NEB: variants seen among roughly 807,000 people sequenced by gnomAD.
The protein encoded by NEB is nemaline myopathy type 2.
A neutral mutation model predicts 952.2 loss-of-function variants in NEB; 512 were observed. That is an observed-to-expected ratio of 0.54 (90% CI 0.50 to 0.58). The LOEUF (loss-of-function observed/expected upper bound fraction) is 0.58, where lower values mean the gene tolerates loss of function less well. NEB is among the 20% of genes least tolerant of loss of function. NEB has a pLI of 0.00. For missense variants in NEB, 8,428 were observed against 9,231.1 expected, an observed-to-expected ratio of 0.91 and a Z score of 3.56; for synonymous variants, 2,900 against 3,149.8, an observed-to-expected ratio of 0.92 and a Z score of 2.66.
chr2:151,704,722 G>C (rs562919926), intron 13 of NEB, among the ~76,000 whole-genome samples: 14 of 152,248 alleles, frequency 9.2e-5, no homozygotes, highest in Admixed American at 3.3e-4. Context: ...TTCGGCTCAC[G>C]CACAGTGCGA....
chr2:151,632,518 A>T (rs1434077218), intron 65 of NEB, among the ~76,000 whole-genome samples: 1 of 152,006 alleles, frequency 6.6e-6, no homozygotes, highest in Non-Finnish European at 1.5e-5. Context: ...TCCACTAAAA[A>T]TACAAAAAAT....
At position 151,549,718 on chromosome 2, in the gene NEB, C is replaced by T. The variant is rs767200761; in HGVS notation, c.19967G>A (p.Arg6656His). 25 of 1,590,358 alleles carry T rather than the reference C, an allele frequency of 1.6e-5. No homozygotes were observed. Among genetic ancestry groups the T allele is most frequent in the South Asian group, 5.7e-5 (5 of 87,172 alleles). Residue 6656 changes from arginine (R) to histidine (H), a missense_variant, in exon 130 of 182, where the codon CGC becomes CAC. This residue lies in a region of NEB where 3,374 missense variants were observed against 3,651.5 expected (regional missense o/e 0.92). Transcript: ENST00000397345. The stretch of plus-strand genomic sequence containing the variant: ...AAGTCTATATCCAGTGGGCAGGGTG[C>T]GCAGGCTGGTTTTGTATAGATTCTG... ...QSSNLYKTSL[R>H]TLPTGYRLPG...
intron 159 of NEB, 85 bp from the exon 160 acceptor site, chr2:151,513,778 A>AAC: frequency 1.1e-6 from 1 of 904,590 alleles, no homozygotes; most frequent in South Asian, 1.5e-5. Flanking sequence ...AAATCCACAT[A>AAC]ACACGCCACC....
intron 35 of NEB, 46 bp from the exon 36 acceptor site, chr2:151,674,630 T>C (rs1312021805): frequency 7.3e-7 from 1 of 1,365,488 alleles, no homozygotes; most frequent in Non-Finnish European, 1.0e-6. Context: ...AAGTGATTCC[T>C]CAACTGCTGG....
rs1489266866 is a variant in NEB, at chr2:151,494,090, G to A, written c.24579+71C>T. On this transcript the variant is annotated intron_variant, in intron 174 of 181. Coordinates refer to ENST00000397345, the MANE Select transcript of NEB (RefSeq NM_001164508.2). ...TTTGTTTGTTTTTAACCTGGGACAG[G>A]GTTAGGAGCAGGCCAAACTGCAAGA... The A allele has an allele frequency of 2.2e-5, 29 of 1,290,780 alleles. No individual in the cohort carries two copies. The South Asian group carries it at 3.7e-4, about 16-fold the overall frequency. The allele number at this position is 1,290,780 out of a possible 1,614,324, so 80.0% of individuals were successfully genotyped here. A position where few individuals can be genotyped will look rare whatever the true frequency, so the allele number is the denominator to read the frequency against.
Position 151,547,866 on chromosome 2 carries a change from G to C in NEB, c.20158-128C>G, listed in dbSNP as rs140890564. On this transcript the variant is annotated intron_variant, in intron 131 of 181. Coordinates refer to ENST00000397345, the MANE Select transcript of NEB (RefSeq NM_001164508.2). The stretch of plus-strand genomic sequence containing the variant: ...AATATCGAGGATATAGAAAATGATT[G>C]AGATTAGGAAAAAAGGAGAAAATGA... 307 of 671,880 alleles carry C rather than the reference G, an allele frequency of 4.6e-4. No individual in the cohort carries two copies. In the African/African-American group the frequency reaches 4.6e-3, roughly 10 times the overall value. The allele number at this position is 671,880 out of a possible 1,614,324, so 41.6% of individuals were successfully genotyped here. A position where few individuals can be genotyped will look rare whatever the true frequency, so the allele number is the denominator to read the frequency against.
chr2:151,724,264 C>A lies in NEB; in HGVS notation c.608G>T (p.Ser203Ile). 6.2e-7 allele frequency: 1 copy of A among 1,611,878 alleles called. No homozygotes were observed. The highest frequency in any genetic ancestry group is 8.5e-7 in the Non-Finnish European group (1 of 1,178,766). Reference protein sequence around the residue: ...VQAVKNTAMFSKKLYTEDWEA... With the variant: ...VQAVKNTAMFIKKLYTEDWEA... ...GGCAATGGAGCAGACCCTTACCTTG[C>A]TGAACATGGCGGTGTTCTTAACGGC... Residue 203 changes from serine to isoleucine, a missense_variant, in exon 8 of 182, where the codon AGC (serine) becomes ATC (isoleucine). By Grantham distance (142) the Ser-to-Ile change is moderately radical. This residue lies in a region of NEB where 2,851 missense variants were observed against 2,791.5 expected (regional missense o/e 1.02). Transcript: ENST00000397345.
chr2:151,488,920 T>C (rs1188416692), intron 181 of NEB, among the ~76,000 whole-genome samples: 1 of 152,212 alleles, frequency 6.6e-6, no homozygotes, highest in African/African-American at 2.4e-5. Flanking sequence ...ATTGCCATGC[T>C]AAATCCATAT....
Position 151,724,942 on chromosome 2 carries a change from C to A in NEB, c.422G>T (p.Gly141Val), listed in dbSNP as rs973669056. 2.5e-6 allele frequency: 4 copies of A among 1,613,574 alleles called. No individual in the cohort carries two copies. Among genetic ancestry groups the A allele is most frequent in the Admixed American group, 1.7e-5 (1 of 59,944 alleles). The change falls in exon 7 of 182, where the codon GGT becomes GTT. Residue 141 changes from glycine (G) to valine (V), a missense_variant. Gly to Val is a moderately radical substitution (Grantham distance 109, BLOSUM62 -3). Around this residue, in one of 11 missense-constraint regions of NEB, gnomAD observed 2,851 missense variants for 2,791.5 expected, o/e 1.02. Coordinates refer to ENST00000397345, the MANE Select transcript of NEB (RefSeq NM_001164508.2). ...QLSEVKYRMDGDVAKTICHVD... is the reference protein window; with the variant it reads ...QLSEVKYRMDVDVAKTICHVD... ...GTGACATATAGTCTTAGCAACATCA[C>A]CATCCATTCGATACTTAACCTGCCC...
In NEB at chr2:151,682,788, G is replaced by C. The variant is rs1172897728; in HGVS notation, c.2836-19C>G. On this transcript the variant is annotated intron_variant, in intron 28 of 181. Coordinates refer to ENST00000397345, the MANE Select transcript of NEB (RefSeq NM_001164508.2). ...ATTCAACCTAAAACACCAAGAGAAA[G>C]GTTACATTTCTTTGCTGTGTCATCC... The C allele has an allele frequency of 1.9e-6, 3 of 1,583,988 alleles. No homozygotes were observed. In the South Asian group the frequency reaches 3.4e-5, roughly 18 times the overall value.
At chr2:151,660,249 G>A (rs187074927) in intron 46 of NEB, among the ~76,000 whole-genome samples, 28 of 152,168 alleles carry the variant, frequency 1.8e-4, no homozygotes, top group East Asian at 1.7e-3. Context: ...CTTCTCCTCC[G>A]GCCTAGTCCT....
At chr2:151,644,387 G>T in intron 56 of NEB, 81 bp downstream of exon 56, 2 of 1,341,256 alleles carry the variant, frequency 1.5e-6, no homozygotes, top group Non-Finnish European at 2.1e-6. Context: ...CTTAGATTTT[G>T]TTCAATTTAA....
At position 151,552,723 on chromosome 2, in the gene NEB, T is replaced by C; in HGVS notation, c.19785A>G (p.Thr6595=). Residue 6595 remains threonine (T), a synonymous_variant, in exon 128 of 182, where the codon ACA becomes ACG. Coordinates refer to ENST00000397345, the MANE Select transcript of NEB (RefSeq NM_001164508.2). ...LKTRNDYKLV[T]DTPVYVQAVK... is the part of the protein sequence containing the mutation. ...CAGCCTGCACGTAGACTGGTGTATC[T>C]GTGACAAGCTTGTAGTCATTCCTTG... 1 of 1,613,414 alleles carries C rather than the reference T, an allele frequency of 6.2e-7. No individual in the cohort carries two copies. The highest frequency in any genetic ancestry group is 1.1e-5 in the South Asian group (1 of 91,016).
Position 151,570,140 on chromosome 2 carries a change from A to T in NEB, c.17371T>A (p.Cys5791Ser). 1.2e-6 allele frequency: 2 copies of T among 1,613,224 alleles called. No individual in the cohort carries two copies. Among genetic ancestry groups the T allele is most frequent in the South Asian group, 2.2e-5 (2 of 90,820 alleles). Residue 5791 changes from cysteine (C) to serine (S), a missense_variant, in exon 109 of 182, where the codon TGC (cysteine) becomes AGC (serine). By Grantham distance (112) the Cys-to-Ser change is moderately radical (BLOSUM62 -1). Coordinates refer to ENST00000397345, the MANE Select transcript of NEB (RefSeq NM_001164508.2). ...ATCACATCGTTCTGGTCGGGCATGC[A>T]GGTCCACTGGTGCAGGTAATTGCGG... ...DYRNYLHQWT[C>S]MPDQNDVIQA...
chr2:151,526,881 G>A (rs751381939), intron 148 of NEB, 37 bp downstream of exon 148: 7 of 1,392,374 alleles, frequency 5.0e-6, no homozygotes, highest in Middle Eastern at 1.8e-4. Flanking sequence ...ATGGCCCTGA[G>A]TGAGGTTAGG....
rs1381167512 is a variant in NEB, at chr2:151,705,171, T to TTA, written c.1152+1708_1152+1709dup. ...TTATACAAACAATTAGCCTTCAAAA[T>TTA]TATATATATATATATGAACTGGTAC... On this transcript the variant is annotated intron_variant, in intron 13 of 181. Coordinates refer to ENST00000397345, the MANE Select transcript of NEB (RefSeq NM_001164508.2). Among the ~76,000 whole-genome samples, 74 of 150,962 alleles carry TTA rather than the reference T, an allele frequency of 4.9e-4. 2 individuals carry two copies. Among genetic ancestry groups the TTA allele is most frequent in the East Asian group, 4.1e-3 (21 of 5,162 alleles).
chr2:151,678,009 T>C lies in NEB; in HGVS notation c.3434A>G (p.Asn1145Ser). The part of the protein sequence containing the change: ...SKYNTPHDMF[N>S]VVAAKKAQDV... ...CTGGGCTTTCTTAGCCGCCACGACATTGAACATATCATGGGGCGTGTTGTA... is the reference window on the plus strand; with the variant it reads ...CTGGGCTTTCTTAGCCGCCACGACACTGAACATATCATGGGGCGTGTTGTA... The change falls in exon 33 of 182, where the codon AAT becomes AGT. Residue 1145 changes from asparagine (N) to serine (S), a missense_variant. This residue lies in a region of NEB where 2,851 missense variants were observed against 2,791.5 expected (regional missense o/e 1.02). Coordinates refer to ENST00000397345, the MANE Select transcript of NEB (RefSeq NM_001164508.2). The C allele has an allele frequency of 1.2e-6, 2 of 1,614,018 alleles. No individual in the cohort carries two copies.
At chr2:151,725,165 G>A (rs780481553) in intron 6 of NEB, among the ~76,000 whole-genome samples, 120 of 152,200 alleles carry the variant, frequency 7.9e-4, no homozygotes, top group Non-Finnish European at 1.7e-3. Context: ...TGGATCTCCA[G>A]CCTGCTGCTT....
rs139106679 is a variant in NEB at position 151,705,107 on chromosome 2, G to A, written c.1152+1774C>T. 6.0e-3 allele frequency among the ~76,000 whole-genome samples: 913 copies of A among 151,876 alleles called. 9 individuals are homozygous for A. The highest frequency in any genetic ancestry group is 0.021 in the African/African-American group (860 of 41,396). On this transcript the variant is annotated intron_variant, in intron 13 of 181. Transcript: ENST00000397345. ...AAAAGTTATATAAGGTGAGAAATAC[G>A]CAATCTCCCTCCCTCCTATACCTAT...
Sources: allele counts gnomAD v4.1 joint callset (sites outside exome capture counted in the v4.1 genomes callset), GRCh38; gene constraint gnomAD v4.1.1; regional missense constraint gnomAD v4.1.1; transcripts MANE v1.5; gene names NCBI Gene and HGNC (gene_info 2026-07-23, HGNC 2026-07-21).